Variants in TP63 observed in about 807,000 individuals in gnomAD.
TP63 encodes the protein tumor protein 63.
A neutral mutation model predicts 82.8 loss-of-function variants in TP63; 17 were observed. The observed-to-expected ratio is 0.21, with a 90% confidence interval of 0.14 to 0.31. TP63 has a LOEUF of 0.31. Among genes scored for constraint, TP63 ranks in the 10% least tolerant of loss-of-function variants. The probability of loss-of-function intolerance (pLI) is 1.00; values close to 1 mark genes in which losing one functional copy is unlikely to be tolerated. For missense variants in TP63, 648 were observed against 895.3 expected, an observed-to-expected ratio of 0.72 and a Z score of 3.52; for synonymous variants, 330 against 321.7, an observed-to-expected ratio of 1.03 and a Z score of -0.28.
At chr3:189,699,670 TA>T (rs534255508) in intron 1 of TP63, among the ~76,000 whole-genome samples, 5,303 of 151,702 alleles carry the variant, frequency 0.035, 135 homozygotes, top group Non-Finnish European at 0.053. Context: ...ATATTTGTTT[TA>T]AAAAAAAATC....
chr3:189,771,616 T>C (rs990533608), intron 3 of TP63, among the ~76,000 whole-genome samples: 1 of 150,630 alleles, frequency 6.6e-6, no homozygotes, highest in Admixed American at 6.7e-5. Context: ...GTTAATAATG[T>C]GACAGACTCT....
At chr3:189,757,727 T>C (rs1722286261) in intron 3 of TP63, among the ~76,000 whole-genome samples, 2 of 152,138 alleles carry the variant, frequency 1.3e-5, no homozygotes, top group African/African-American at 2.4e-5. Context: ...AGGAGAGGGC[T>C]CCACCCCCTA....
At chr3:189,728,968 T>G (rs1719966720) in intron 1 of TP63, among the ~76,000 whole-genome samples, 1 of 152,098 alleles carries the variant, frequency 6.6e-6, no homozygotes, top group Non-Finnish European at 1.5e-5. Context: ...GAGGGTTTGC[T>G]CAAAAGAATG....
intron 1 of TP63, among the ~76,000 whole-genome samples, chr3:189,704,912 C>T (rs1057401966): frequency 6.6e-6 from 1 of 152,160 alleles, no homozygotes; most frequent in Non-Finnish European, 1.5e-5. Flanking sequence ...ATCCAGCTAG[C>T]CAGCTAGAAT....
chr3:189,769,187 CTG>C (rs1160196221), intron 3 of TP63, among the ~76,000 whole-genome samples: 1 of 152,128 alleles, frequency 6.6e-6, no homozygotes. Context: ...TTCTCTGACT[CTG>C]TTTATGCATA....
At chr3:189,738,531 C>T in intron 2 of TP63, 111 bp from the exon 3 acceptor site, 3 of 1,520,204 alleles carry the variant, frequency 2.0e-6, no homozygotes, top group South Asian at 1.1e-5. Flanking sequence ...CTCCAAGAAA[C>T]CAATGAGCCT....
chr3:189,629,751 A>G (rs914739289), upstream of TP63, among the ~76,000 whole-genome samples: 4 of 152,212 alleles, frequency 2.6e-5, no homozygotes, highest in Admixed American at 1.3e-4. Flanking sequence ...GCTCTGCACT[A>G]GAAATCTTCA....
rs1721418231 is a variant in TP63, at chr3:189,895,731, C to T, written c.*1229C>T. The T allele has an allele frequency of 8.7e-6, 2 of 228,922 alleles. No individual in the cohort carries two copies. Among genetic ancestry groups the T allele is most frequent in the Non-Finnish European group, 1.7e-5 (2 of 115,578 alleles). The allele number at this position is 228,922 out of a possible 1,614,324, so 14.2% of individuals were successfully genotyped here. A position where few individuals can be genotyped will look rare whatever the true frequency, so the allele number is the denominator to read the frequency against. ...GGTAAATGTTTCTTTTAAAGACCCT[C>T]CTATTCTATAAAACTCTGCATGTAG... On this transcript the variant is annotated 3_prime_UTR_variant, in exon 14 of 14. Transcript: ENST00000264731.
At chr3:189,849,402 C>T (rs562630918) in intron 4 of TP63, among the ~76,000 whole-genome samples, 62 of 152,100 alleles carry the variant, frequency 4.1e-4, no homozygotes, top group Non-Finnish European at 8.1e-4. Context: ...TGCGATATGA[C>T]AGATCTCCGG....
At chr3:189,730,923 A>G (rs1249819228) in intron 1 of TP63, among the ~76,000 whole-genome samples, 1 of 152,238 alleles carries the variant, frequency 6.6e-6, no homozygotes, top group Non-Finnish European at 1.5e-5. Flanking sequence ...TTGTAGTTTT[A>G]TAGCTTTAAG....
intron 1 of TP63, among the ~76,000 whole-genome samples, chr3:189,732,305 G>C (rs2108785790): frequency 6.6e-6 from 1 of 152,282 alleles, no homozygotes; most frequent in Middle Eastern, 3.4e-3. Flanking sequence ...TTGAAGCCCT[G>C]AGAGGAGTAA....
At chr3:189,782,405 G>A (rs1451028233) in intron 3 of TP63, among the ~76,000 whole-genome samples, 1 of 152,174 alleles carries the variant, frequency 6.6e-6, no homozygotes, top group African/African-American at 2.4e-5. Context: ...CATGGTGGCA[G>A]CTGTATGGAG....
At chr3:189,702,469 C>T (rs1241416060) in intron 1 of TP63, among the ~76,000 whole-genome samples, 1 of 152,152 alleles carries the variant, frequency 6.6e-6, no homozygotes, top group African/African-American at 2.4e-5. Context: ...ATCACCTCTT[C>T]CCTACAGCTT....
chr3:189,712,715 A>C (rs1718683077), intron 1 of TP63, among the ~76,000 whole-genome samples: 1 of 152,170 alleles, frequency 6.6e-6, no homozygotes, highest in African/African-American at 2.4e-5. Context: ...TATTCAGATC[A>C]CAGCAATAAG....
intron 1 of TP63, among the ~76,000 whole-genome samples, chr3:189,666,371 A>C (rs1330190511): frequency 1.3e-5 from 2 of 152,086 alleles, no homozygotes; most frequent in African/African-American, 2.4e-5. Context: ...TGGTTACACA[A>C]AAGTTATATC....
intron 4 of TP63, among the ~76,000 whole-genome samples, chr3:189,808,887 C>T (rs1420926439): frequency 1.3e-5 from 2 of 152,132 alleles, no homozygotes; most frequent in Admixed American, 6.5e-5. Flanking sequence ...ACGTGTTTAC[C>T]AGTCTCATTC....
chr3:189,864,119 G>A (rs1717394042), intron 4 of TP63, 113 bp from the exon 5 acceptor site: 2 of 1,348,672 alleles, frequency 1.5e-6, no homozygotes, highest in Non-Finnish European at 2.1e-6. Flanking sequence ...GTAGTAAACA[G>A]GCAGCATGCA....
chr3:189,704,054 A>G (rs558825314), intron 1 of TP63, among the ~76,000 whole-genome samples: 132 of 152,358 alleles, frequency 8.7e-4, no homozygotes, highest in African/African-American at 3.1e-3. Context: ...TTGGGTTCAC[A>G]TTTGGACAAC....
intron 4 of TP63, among the ~76,000 whole-genome samples, chr3:189,847,080 G>T (rs1714979826): frequency 6.6e-6 from 1 of 152,120 alleles, no homozygotes; most frequent in African/African-American, 2.4e-5. Context: ...AAATGAGGCC[G>T]GACACAGTGT....
Sources: allele counts gnomAD v4.1 joint callset (sites outside exome capture counted in the v4.1 genomes callset), GRCh38; gene constraint gnomAD v4.1.1; transcripts MANE v1.5; gene names NCBI Gene and HGNC (gene_info 2026-07-23, HGNC 2026-07-21).